TAF2: variants seen among roughly 807,000 people sequenced by gnomAD.
TAF2 encodes transcription initiation factor TFIID subunit 2.
TAF2 carries 61 observed loss-of-function variants against 138.5 expected under a neutral mutation model. The ratio of observed to expected loss-of-function variants is 0.44; its 90% CI spans 0.36 to 0.54. The LOEUF (loss-of-function observed/expected upper bound fraction) is 0.54, where lower values mean the gene tolerates loss of function less well. Among genes scored for constraint, TAF2 ranks in the 20% least tolerant of loss-of-function variants. The probability of loss-of-function intolerance (pLI) is 0.00; values close to 1 mark genes in which losing one functional copy is unlikely to be tolerated. For synonymous variants in TAF2, 475 were observed against 469.9 expected (o/e 1.01, Z -0.14); for missense variants, 1,090 against 1,427.9 (o/e 0.76, Z 3.81).
rs376024040 is a variant in TAF2 at position 119,832,463 on chromosome 8, G to A, written c.83+19C>T. On this transcript the variant is annotated intron_variant, in intron 1 of 25. Transcript: ENST00000378164. The stretch of plus-strand genomic sequence containing the variant: ...GCAACAAAACCAAAAGGAAGGAAGG[G>A]AAATGAAAAAATACTTATAATTTAT... 6.2e-7 allele frequency: 1 copy of A among 1,610,574 alleles called. No homozygotes were observed. Among genetic ancestry groups the A allele is most frequent in the Non-Finnish European group, 8.5e-7 (1 of 1,177,446 alleles).
At chr8:119,760,426 T>C (rs951769581) in intron 20 of TAF2, 173 bp downstream of exon 20, 1 of 735,624 alleles carries the variant, frequency 1.4e-6, no homozygotes, top group Non-Finnish European at 2.1e-6. Flanking sequence ...CCCTCATTTA[T>C]TAACTCTTAT....
chr8:119,813,374 T>C (rs1025068311), intron 3 of TAF2, among the ~76,000 whole-genome samples: 14 of 152,224 alleles, frequency 9.2e-5, no homozygotes, highest in African/African-American at 3.1e-4. Flanking sequence ...TTATGGGTGT[T>C]AGGTGATTCT....
intron 18 of TAF2, among the ~76,000 whole-genome samples, chr8:119,770,577 T>C (rs1821759802): frequency 2.0e-5 from 3 of 152,080 alleles, no homozygotes; most frequent in African/African-American, 7.2e-5. Flanking sequence ...AACAGACCTA[T>C]AATAAATGCT....
intron 21 of TAF2, among the ~76,000 whole-genome samples, chr8:119,756,632 C>A (rs531450073): frequency 6.6e-6 from 1 of 152,002 alleles, no homozygotes; most frequent in African/African-American, 2.4e-5. Context: ...TGGAAATGTG[C>A]AGAAGTATTT....
intron 18 of TAF2, chr8:119,767,035 C>T (rs1821478116): frequency 6.6e-6 from 1 of 152,160 alleles, no homozygotes; most frequent in African/African-American, 2.4e-5. Flanking sequence ...TAAGCCTCCA[C>T]AAATTTAATT....
At chr8:119,777,839 G>A (rs1053047380) in intron 18 of TAF2, among the ~76,000 whole-genome samples, 180 bp downstream of exon 18, 12 of 152,106 alleles carry the variant, frequency 7.9e-5, no homozygotes, top group African/African-American at 2.4e-4. Context: ...CTAATAAATC[G>A]TGTTTACATG....
rs757101776 is a variant in TAF2, at chr8:119,783,366, T to C, written c.2112+15A>G. ...TATACAATAGTCATTTCCTTTATGC[T>C]GTATATAATCTCACCTTTGCAAGAC... On this transcript the variant is annotated intron_variant, in intron 16 of 25. Transcript: ENST00000378164. The C allele has an allele frequency of 2.5e-6, 4 of 1,613,622 alleles. No homozygotes were observed. The South Asian group carries it at 3.3e-5, about 13-fold the overall frequency.
At chr8:119,763,077 G>A (rs1418404007) in intron 18 of TAF2, among the ~76,000 whole-genome samples, 1 of 152,206 alleles carries the variant, frequency 6.6e-6, no homozygotes, top group Non-Finnish European at 1.5e-5. Context: ...TCAGCATGCT[G>A]AGAATATTTT....
At position 119,731,943 on chromosome 8, in the gene TAF2, G is replaced by A. The variant is rs1487444064; in HGVS notation, c.3581C>T (p.Ser1194Phe). 6.2e-7 allele frequency: 1 copy of A among 1,614,052 alleles called. No individual in the cohort carries two copies. The highest frequency in any genetic ancestry group is 8.5e-7 in the Non-Finnish European group (1 of 1,180,020). ...SSPASGRSIR[S>F]PSLSD Reference sequence around the variant, plus strand: ...CCCTTCTCAGTCTGAAAGGGAAGGAGAACGAATAGACCTGCCACTGGCAGG... The same window carrying A: ...CCCTTCTCAGTCTGAAAGGGAAGGAAAACGAATAGACCTGCCACTGGCAGG... The change falls in exon 26 of 26, where the codon TCT becomes TTT. Residue 1194 changes from serine to phenylalanine, a missense_variant. This residue lies in a region of TAF2 where 580 missense variants were observed against 719.6 expected (regional missense o/e 0.81). Coordinates refer to ENST00000378164, the MANE Select transcript of TAF2 (RefSeq NM_003184.4).
intron 24 of TAF2, 152 bp from the exon 25 acceptor site, chr8:119,742,808 G>A (rs1819689703): frequency 2.7e-6 from 3 of 1,129,112 alleles, no homozygotes; most frequent in Admixed American, 2.2e-5. Context: ...CTAGCTGGGT[G>A]GAGTGGCTCA....
At chr8:119,820,574 T>G (rs1308336357) in intron 2 of TAF2, among the ~76,000 whole-genome samples, 3 of 152,098 alleles carry the variant, frequency 2.0e-5, no homozygotes, top group African/African-American at 7.2e-5. Flanking sequence ...GCAAAAAAAG[T>G]AGGTCAGTAA....
At chr8:119,760,876 G>GA in intron 19 of TAF2, 138 bp from the exon 20 acceptor site, 1 of 1,120,010 alleles carries the variant, frequency 8.9e-7, no homozygotes, top group Non-Finnish European at 1.3e-6. Flanking sequence ...TTTTGTAATA[G>GA]AGTCACAAGC....
chr8:119,820,941 C>A (rs1002239555), intron 2 of TAF2, among the ~76,000 whole-genome samples: 4 of 152,202 alleles, frequency 2.6e-5, no homozygotes, highest in Non-Finnish European at 5.9e-5. Context: ...GCATATCTGT[C>A]ATCCAATGAC....
chr8:119,780,188 T>C (rs994099401), intron 17 of TAF2, among the ~76,000 whole-genome samples: 1 of 152,106 alleles, frequency 6.6e-6, no homozygotes, highest in Non-Finnish European at 1.5e-5. Context: ...ATGTATGATA[T>C]CCAAATAGCT....
intron 22 of TAF2, among the ~76,000 whole-genome samples, chr8:119,750,686 C>T (rs1012498296): frequency 3.9e-5 from 6 of 151,988 alleles, no homozygotes; most frequent in Non-Finnish European, 7.3e-5. Flanking sequence ...GGGAGAGAGA[C>T]GGTGGGACAG....
intron 10 of TAF2, among the ~76,000 whole-genome samples, chr8:119,793,104 A>C (rs1823555341): frequency 6.6e-6 from 1 of 152,164 alleles, no homozygotes; most frequent in Admixed American, 6.5e-5. Context: ...ATTTAAAAAA[A>C]ATTAAAAAAA....
Position 119,831,703 on chromosome 8 carries a change from T to C in TAF2, c.112A>G (p.Ile38Val). Residue 38 changes from isoleucine to valine, a missense_variant, in exon 2 of 26, where the codon ATA (isoleucine) becomes GTA (valine). Transcript: ENST00000378164. ...LTHQVVCINN[I>V]NFQRKSVVGF... The stretch of plus-strand genomic sequence containing the variant: ...ACAACAGATTTTCTCTGGAAATTTA[T>C]GTTGTTGATGCAGACGACCTGATGG... The C allele has an allele frequency of 1.9e-6, 3 of 1,605,606 alleles. No individual in the cohort carries two copies. Among genetic ancestry groups the C allele is most frequent in the Non-Finnish European group, 2.6e-6 (3 of 1,174,554 alleles).
chr8:119,787,538 G>C (rs1446414521), intron 14 of TAF2, among the ~76,000 whole-genome samples: 1 of 152,134 alleles, frequency 6.6e-6, no homozygotes, highest in Non-Finnish European at 1.5e-5. Context: ...ACCACAATGA[G>C]ATACCATCTC....
chr8:119,802,153 A>T, intron 5 of TAF2, 128 bp from the exon 6 acceptor site: 1 of 760,192 alleles, frequency 1.3e-6, no homozygotes, highest in Non-Finnish European at 2.1e-6. Context: ...TGGCTACTGA[A>T]GCTTTTTACT....
Sources: gnomAD v4.1 joint callset for allele counts (sites outside exome capture counted in the v4.1 genomes callset) on GRCh38, gnomAD v4.1.1 for gene constraint, gnomAD v4.1.1 regional missense constraint, MANE v1.5 for transcripts, NCBI Gene and HGNC (gene_info 2026-07-23, HGNC 2026-07-21) for gene names.